AAK1: variants seen among roughly 807,000 people sequenced by gnomAD.
AAK1 encodes AP2-associated protein kinase 1.
Under a neutral mutation model 116.0 loss-of-function variants are expected in AAK1, and 37 were observed. That is an observed-to-expected ratio of 0.32 (90% CI 0.25 to 0.42). The LOEUF (loss-of-function observed/expected upper bound fraction) is 0.42, where lower values mean the gene tolerates loss of function less well. Among genes scored for constraint, AAK1 ranks in the 10% least tolerant of loss-of-function variants. AAK1 has a pLI of 1.00. For synonymous variants in AAK1, 458 were observed against 439.9 expected (o/e 1.04, Z -0.51); for missense variants, 919 against 1,170.6 (o/e 0.79, Z 3.14).
intron 2 of AAK1, chr2:69,594,929 G>T: frequency 1.8e-6 from 2 of 1,088,160 alleles, no homozygotes; most frequent in Non-Finnish European, 2.8e-6. Context: ...CAGCCACTCT[G>T]CTTCCTGTCA....
chr2:69,550,823 A>G (rs1671149663), intron 3 of AAK1, among the ~76,000 whole-genome samples: 1 of 151,974 alleles, frequency 6.6e-6, no homozygotes, highest in African/African-American at 2.4e-5. Flanking sequence ...GCCATTTTGG[A>G]CAGGCTGGTC....
intron 17 of AAK1, 29 bp from the exon 18 acceptor site, chr2:69,482,841 G>A (rs1230744837): frequency 1.4e-6 from 2 of 1,435,268 alleles, no homozygotes; most frequent in South Asian, 1.2e-5. Context: ...CAAAAAGAAA[G>A]CAAAAATGTA....
At chr2:69,635,172 A>G (rs1675392248) in intron 2 of AAK1, among the ~76,000 whole-genome samples, 1 of 152,244 alleles carries the variant, frequency 6.6e-6, no homozygotes, top group Non-Finnish European at 1.5e-5. Flanking sequence ...AAGATATACA[A>G]ATAGCTAATA....
intron 5 of AAK1, among the ~76,000 whole-genome samples, chr2:69,535,688 TA>T (rs1670438366): frequency 6.6e-6 from 1 of 151,678 alleles, no homozygotes; most frequent in African/African-American, 2.4e-5. Flanking sequence ...CAGAAAACAG[TA>T]GCACAAAGGC....
At chr2:69,513,715 T>C (rs911970417) in intron 13 of AAK1, among the ~76,000 whole-genome samples, 5 of 152,232 alleles carry the variant, frequency 3.3e-5, no homozygotes, top group Admixed American at 1.3e-4. Context: ...CAGCTGGGTA[T>C]GCAAAATGTC....
intron 17 of AAK1, among the ~76,000 whole-genome samples, chr2:69,491,774 C>T (rs1051584586): frequency 7.9e-5 from 12 of 152,138 alleles, no homozygotes; most frequent in African/African-American, 2.7e-4. Context: ...TGTGACCACC[C>T]CATAAGGTAG....
intron 3 of AAK1, among the ~76,000 whole-genome samples, chr2:69,554,631 T>C (rs1291350726): frequency 6.6e-6 from 1 of 152,184 alleles, no homozygotes; most frequent in Admixed American, 6.5e-5. Context: ...TTACTTCCCA[T>C]AGGAGATAAT....
chr2:69,473,783 T>G lies in AAK1; in HGVS notation c.*2086A>C, dbSNP rs1036878426. On this transcript the variant is annotated 3_prime_UTR_variant, in exon 22 of 22. Transcript: ENST00000409085. Reference sequence around the variant, plus strand: ...ATAGAACTCAAACATTATTCTTATTTAAAAATAAACATTTCCTTCATTAAT... The same window carrying G: ...ATAGAACTCAAACATTATTCTTATTGAAAAATAAACATTTCCTTCATTAAT... 5.1e-6 allele frequency: 5 copies of G among 983,286 alleles called. No homozygotes were observed. The highest frequency in any genetic ancestry group is 6.0e-6 in the Non-Finnish European group (5 of 827,572). The allele number at this position is 983,286 out of a possible 1,614,324, so 60.9% of individuals were successfully genotyped here.
intron 16 of AAK1, among the ~76,000 whole-genome samples, chr2:69,497,120 T>C (rs1297975013): frequency 6.6e-6 from 1 of 152,032 alleles, no homozygotes; most frequent in Non-Finnish European, 1.5e-5. Context: ...GCCAGGTTTC[T>C]TGGTTTCCAC....
intron 2 of AAK1, among the ~76,000 whole-genome samples, chr2:69,614,479 C>G (rs1674228732): frequency 6.6e-6 from 1 of 152,124 alleles, no homozygotes; most frequent in Non-Finnish European, 1.5e-5. Context: ...AGCAACAGTG[C>G]AGGGTCCCAG....
At chr2:69,482,547 A>C (rs1675131436) in intron 18 of AAK1, 164 bp downstream of exon 18, 1 of 729,290 alleles carries the variant, frequency 1.4e-6, no homozygotes. Context: ...ACCCCCGAAA[A>C]GCAAGGAAAA....
At chr2:69,594,832 C>A (rs560121914) in intron 2 of AAK1, 136 of 1,543,434 alleles carry the variant, frequency 8.8e-5, no homozygotes, top group Non-Finnish European at 1.1e-4. Flanking sequence ...CTTAGACCTG[C>A]AGTTGGGCTC....
intron 16 of AAK1, among the ~76,000 whole-genome samples, chr2:69,501,297 C>T (rs765703205): frequency 6.6e-6 from 1 of 151,834 alleles, no homozygotes; most frequent in African/African-American, 2.4e-5. Flanking sequence ...TTTTTAACTA[C>T]TTAATGATGA....
chr2:69,628,937 C>A (rs1285448463), intron 2 of AAK1, among the ~76,000 whole-genome samples: 2 of 152,194 alleles, frequency 1.3e-5, no homozygotes, highest in African/African-American at 4.8e-5. Context: ...ACATACAGTA[C>A]TCAACTACAG....
intron 14 of AAK1, 60 bp from the exon 15 acceptor site, chr2:69,507,638 G>A (rs1676237072): frequency 2.1e-6 from 3 of 1,407,262 alleles, no homozygotes; most frequent in South Asian, 1.5e-5. Context: ...AAACAAAAAG[G>A]GTCAACTTAT....
intron 2 of AAK1, among the ~76,000 whole-genome samples, chr2:69,590,841 G>A (rs1472145499): frequency 6.6e-6 from 1 of 152,128 alleles, no homozygotes; most frequent in Non-Finnish European, 1.5e-5. Flanking sequence ...ATTTAATATG[G>A]CAACAAAATG....
chr2:69,603,825 A>C (rs1372979854), intron 2 of AAK1, among the ~76,000 whole-genome samples: 2 of 152,186 alleles, frequency 1.3e-5, no homozygotes, highest in Non-Finnish European at 2.9e-5. Context: ...TTGTGTTTAA[A>C]TTCTCTGGTG....
intron 17 of AAK1, among the ~76,000 whole-genome samples, chr2:69,485,965 T>C (rs1361767165): frequency 1.3e-5 from 2 of 151,904 alleles, no homozygotes; most frequent in East Asian, 3.9e-4. Flanking sequence ...GGCCTTTTTT[T>C]TTTTTAAGAG....
chr2:69,641,227 T>C (rs956552239), intron 2 of AAK1, among the ~76,000 whole-genome samples: 1 of 152,200 alleles, frequency 6.6e-6, no homozygotes, highest in African/African-American at 2.4e-5. Flanking sequence ...AAAACGCTCG[T>C]GGGCTATAAG....
Sources: allele counts gnomAD v4.1 joint callset (sites outside exome capture counted in the v4.1 genomes callset), GRCh38; gene constraint gnomAD v4.1.1; transcripts MANE v1.5; gene names NCBI Gene and HGNC (gene_info 2026-07-23, HGNC 2026-07-21).